FAM199X: variants seen among roughly 807,000 people sequenced by gnomAD.
The protein encoded by FAM199X is protein FAM199X.
FAM199X carries 4 observed loss-of-function variants against 22.9 expected under a neutral mutation model. The observed-to-expected ratio is 0.17, with a 90% CI of 0.09 to 0.40. The LOEUF (loss-of-function observed/expected upper bound fraction) is 0.40. Among genes scored for constraint, FAM199X ranks in the 10% least tolerant of loss-of-function variants. The pLI, the probability that FAM199X is intolerant of heterozygous loss-of-function variation, is 1.00. For synonymous variants in FAM199X, 101 were observed against 112.3 expected (o/e 0.90, Z 0.64); for missense variants, 183 against 306.8 (o/e 0.60, Z 3.01).
chrX:104,164,478 C>G (rs1556373264), upstream of FAM199X, among the ~76,000 whole-genome samples: 1 of 112,256 alleles, frequency 8.9e-6, no homozygotes, highest in Non-Finnish European at 1.9e-5. Flanking sequence ...TCAGAATATG[C>G]TTAAACACAA....
At chrX:104,166,259 CGGA>C (rs782501352), upstream of FAM199X, among the ~76,000 whole-genome samples, 55 of 113,083 alleles carry the variant, frequency 4.9e-4, no homozygotes, top group Middle Eastern at 4.6e-3. Flanking sequence ...AGTGAGAAAG[CGGA>C]GGAGGAGGTT....
chrX:104,184,981 G>A (rs1921761078), intron 2 of FAM199X, among the ~76,000 whole-genome samples: 2 of 105,103 alleles, frequency 1.9e-5, no homozygotes, highest in Non-Finnish European at 3.9e-5. Flanking sequence ...TCGCTATGTT[G>A]GACAGGCTGC....
chrX:104,173,800 A>G (rs782333956), intron 1 of FAM199X, among the ~76,000 whole-genome samples: 2 of 112,098 alleles, frequency 1.8e-5, no homozygotes, highest in Non-Finnish European at 3.8e-5. Flanking sequence ...CCAAAAAAAG[A>G]TCCAACCAAA....
chrX:104,184,656 G>C, intron 2 of FAM199X, among the ~76,000 whole-genome samples: 1 of 110,407 alleles, frequency 9.1e-6, no homozygotes, highest in East Asian at 2.8e-4. Flanking sequence ...TGTATGTTAG[G>C]CTTGCTTTTA....
At chrX:104,176,491 A>G (rs1174855441) in intron 2 of FAM199X, among the ~76,000 whole-genome samples, 2 of 112,643 alleles carry the variant, frequency 1.8e-5, no homozygotes, top group Non-Finnish European at 3.8e-5. Flanking sequence ...TGCCTACAGC[A>G]AAGATTTTAT....
chrX:104,173,019 A>G (rs1423202010), intron 1 of FAM199X, among the ~76,000 whole-genome samples: 3 of 111,848 alleles, frequency 2.7e-5, no homozygotes, highest in Non-Finnish European at 5.6e-5. Flanking sequence ...TGCTCAGATT[A>G]GAGTACAGTG....
chrX:104,184,969 T>A (rs1164401923), intron 2 of FAM199X, among the ~76,000 whole-genome samples: 1 of 105,860 alleles, frequency 9.4e-6, no homozygotes, highest in Admixed American at 1.0e-4. Context: ...AGAGATGAGG[T>A]CTCGCTATGT....
At chrX:104,183,713 C>T (rs1227721548) in intron 2 of FAM199X, among the ~76,000 whole-genome samples, 4 of 111,985 alleles carry the variant, frequency 3.6e-5, no homozygotes, top group African/African-American at 1.3e-4. Context: ...GATCCACCCA[C>T]CTCCGCCTCT....
In FAM199X at chrX:104,168,042, A is replaced by G. The variant is rs934711357; in HGVS notation, c.197+1060A>G. 3.6e-5 allele frequency among the ~76,000 whole-genome samples: 4 copies of G among 111,776 alleles called. No homozygotes were observed. In the East Asian group the frequency reaches 1.1e-3, roughly 31 times the overall value. ...TTCCATATTTTAATGTCTTTAGCAT[A>G]TTTCTCCCCTCCCTTCCCTTAAATC... is the stretch of plus-strand genomic sequence containing the variant. On this transcript the variant is annotated intron_variant, in intron 1 of 5. Transcript: ENST00000493442.
At chrX:104,187,493 ATTAT>A (rs1396937985) in intron 4 of FAM199X, among the ~76,000 whole-genome samples, 1 of 112,059 alleles carries the variant, frequency 8.9e-6, no homozygotes, top group East Asian at 2.8e-4. Flanking sequence ...TGCATTTATC[ATTAT>A]TTATGAAAAA....
At chrX:104,181,336 G>A (rs782792230) in intron 2 of FAM199X, among the ~76,000 whole-genome samples, 14 of 112,070 alleles carry the variant, frequency 1.2e-4, no homozygotes, top group African/African-American at 4.5e-4. Context: ...GTTATAAAAT[G>A]GAAAATTGCT....
chrX:104,170,449 C>T (rs782821079), intron 1 of FAM199X, among the ~76,000 whole-genome samples: 1 of 111,075 alleles, frequency 9.0e-6, no homozygotes, highest in Non-Finnish European at 1.9e-5. Context: ...AGTAGAAGTC[C>T]GTGACGTGAT....
chrX:104,173,999 G>T (rs782286722), intron 1 of FAM199X, among the ~76,000 whole-genome samples: 1 of 112,105 alleles, frequency 8.9e-6, no homozygotes, highest in East Asian at 2.8e-4. Context: ...TTCTGTGCTG[G>T]TGCAGTGGCT....
At chrX:104,187,098 CTTTTT>C (rs781858012) in intron 4 of FAM199X, among the ~76,000 whole-genome samples, 1 of 98,861 alleles carries the variant, frequency 1.0e-5, no homozygotes. Flanking sequence ...GTATCATCTT[CTTTTT>C]TTTTTTTTTT....
In FAM199X at chrX:104,182,072, T is replaced by G. The variant is rs781814875; in HGVS notation, c.418-3994T>G. 2.8e-5 allele frequency among the ~76,000 whole-genome samples: 3 copies of G among 105,772 alleles called. No individual in the cohort carries two copies. In the Admixed American group the frequency reaches 3.1e-4, roughly 11 times the overall value. 91.9% of individuals were successfully genotyped at this position (105,772 alleles called of 115,157 possible). ...GGTGCGATCTTGGCTCACTGCAACC[T>G]CTGCCTCATGGGTTCAAGCGATGCT... On this transcript the variant is annotated intron_variant, in intron 2 of 5. Transcript: ENST00000493442.
At chrX:104,170,330 A>T (rs1362545407) in intron 1 of FAM199X, among the ~76,000 whole-genome samples, 1 of 111,907 alleles carries the variant, frequency 8.9e-6, no homozygotes, top group African/African-American at 3.3e-5. Context: ...TGCAGGTGGG[A>T]GAACCATGTT....
intron 1 of FAM199X, 36 bp from the exon 2 acceptor site, chrX:104,175,587 A>G: frequency 1.9e-6 from 2 of 1,065,879 alleles, no homozygotes; most frequent in Non-Finnish European, 2.6e-6. Flanking sequence ...TGGATTCTGT[A>G]GTTCTCTTGA....
chrX:104,179,045 G>A (rs1220037779), intron 2 of FAM199X, among the ~76,000 whole-genome samples: 3 of 111,819 alleles, frequency 2.7e-5, no homozygotes, highest in Non-Finnish European at 5.6e-5. Context: ...TTGGAAGATC[G>A]CTTGAGCCCT....
rs782753759 is a variant in FAM199X, at chrX:104,189,681, G to A, written c.1070G>A (p.Arg357Gln). The A allele has an allele frequency of 1.7e-6, 2 of 1,211,594 alleles. No individual in the cohort carries two copies. Among genetic ancestry groups the A allele is most frequent in the African/African-American group, 1.7e-5 (1 of 57,863 alleles). Residue 357 changes from arginine to glutamine, a missense_variant, in exon 6 of 6, where the codon CGG (arginine) becomes CAG (glutamine). Arg to Gln is a conservative substitution (Grantham distance 43). Transcript: ENST00000493442. Reference protein sequence around the residue: ...KRQLKEQRQARKERLSGLFLN... With the variant: ...KRQLKEQRQAQKERLSGLFLN... ...CAGCTGAAGGAGCAGAGGCAGGCCC[G>A]GAAGGAGAGGCTCAGTGGGCTCTTC...
Sources: gnomAD v4.1 joint callset for allele counts (sites outside exome capture counted in the v4.1 genomes callset) on GRCh38, gnomAD v4.1.1 for gene constraint, MANE v1.5 for transcripts, NCBI Gene and HGNC (gene_info 2026-07-23, HGNC 2026-07-21) for gene names.